KIF26A: variants seen among roughly 807,000 people sequenced by gnomAD.
The protein encoded by KIF26A is kinesin family member 26A.
Under a neutral mutation model 126.0 loss-of-function variants are expected in KIF26A, and 74 were observed. The ratio of observed to expected loss-of-function variants is 0.59; its 90% CI spans 0.49 to 0.71. KIF26A has a LOEUF of 0.71. KIF26A is among the 30% of genes least tolerant of loss of function. KIF26A has a pLI of 0.00. For synonymous variants in KIF26A, 1,445 were observed against 1,232.7 expected (o/e 1.17, Z -3.61); for missense variants, 2,984 against 2,763.3 (o/e 1.08, Z -1.79).
chr14:104,156,414 C>T (rs558110309), intron 3 of KIF26A, among the ~76,000 whole-genome samples: 2 of 151,764 alleles, frequency 1.3e-5, no homozygotes, highest in South Asian at 2.1e-4. Flanking sequence ...GTTCCAGGTC[C>T]CAGGTTCGCC....
In KIF26A at chr14:104,171,772, C is replaced by T. The variant is rs371918508; in HGVS notation, c.1163C>T (p.Ala388Val). The T allele has an allele frequency of 1.3e-5, 21 of 1,579,818 alleles. No individual in the cohort carries two copies. The highest frequency in any genetic ancestry group is 1.6e-5 in the Non-Finnish European group (19 of 1,164,024). ...CCCGCACAGGGGGCCCAGCGCTCGG[C>T]CGAGGCCATGTCCTTCCTGAAGGTG... ...IWPAQGAQRS[A>V]EAMSFLKVDP... Residue 388 changes from alanine to valine, a missense_variant, in exon 6 of 15, where the codon GCC becomes GTC. Physicochemically the swap from Ala to Val is moderately conservative, Grantham distance 64. Coordinates refer to ENST00000423312, the MANE Select transcript of KIF26A (RefSeq NM_015656.2).
Position 104,177,036 on chromosome 14 carries a change from G to T in KIF26A, c.4248G>T (p.Thr1416=). The stretch of plus-strand genomic sequence containing the variant: ...CTGACCACTCTGTCCCCAGGGCCAC[G>T]TCCAGCCTGAAGGCCCGGGCCAGCA... ...SRADHSVPRA[T]SSLKARASKV... Residue 1416 remains threonine (T), a synonymous_variant, in exon 12 of 15, where the codon ACG becomes ACT. Transcript: ENST00000423312. 3 of 1,577,196 alleles carry T rather than the reference G, an allele frequency of 1.9e-6. No homozygotes were observed. The highest frequency in any genetic ancestry group is 2.6e-6 in the Non-Finnish European group (3 of 1,170,130).
chr14:104,155,579 C>T (rs1011778868), intron 3 of KIF26A, among the ~76,000 whole-genome samples: 2 of 152,136 alleles, frequency 1.3e-5, no homozygotes, highest in African/African-American at 4.8e-5. Context: ...TCCCTCTCGC[C>T]GTCCTCCCCT....
chr14:104,174,895 G>GTGCTCTGGGT, intron 11 of KIF26A, 87 bp from the exon 12 acceptor site: 1 of 1,351,334 alleles, frequency 7.4e-7, no homozygotes, highest in Non-Finnish European at 9.8e-7. Context: ...AGTGACCGCA[G>GTGCTCTGGGT]CATTGGCCCT....
Position 104,177,096 on chromosome 14 carries a change from G to A in KIF26A, c.4308G>A (p.Ala1436=), listed in dbSNP as rs558868521. 1.9e-5 allele frequency: 31 copies of A among 1,597,178 alleles called. No individual in the cohort carries two copies. The highest frequency in any genetic ancestry group is 3.3e-5 in the Admixed American group (2 of 59,916). ...VEAAHRLAGH[A]SLERYEGLAH... ...CAGCACACCGTCTTGCCGGACACGC[G>A]TCTCTGGAGCGGTACGAAGGCCTGG... Residue 1436 remains alanine (A), a synonymous_variant, in exon 12 of 15, where the codon GCG becomes GCA. Transcript: ENST00000423312.
chr14:104,167,062 C>T lies in KIF26A; in HGVS notation c.1113+14C>T, dbSNP rs535972141. On this transcript the variant is annotated intron_variant, in intron 5 of 14. Coordinates refer to ENST00000423312, the MANE Select transcript of KIF26A (RefSeq NM_015656.2). ...AGCATCGGGAAGGTAGACGCAGCCCCGAGTTCGGGGCCCTGGGTGGGGAGG... is the reference window on the plus strand; with the variant it reads ...AGCATCGGGAAGGTAGACGCAGCCCTGAGTTCGGGGCCCTGGGTGGGGAGG... 5.3e-6 allele frequency: 8 copies of T among 1,515,798 alleles called. No individual in the cohort carries two copies. Among genetic ancestry groups the T allele is most frequent in the Middle Eastern group, 1.9e-4 (1 of 5,262 alleles). The allele number at this position is 1,515,798 out of a possible 1,614,324, so 93.9% of individuals were successfully genotyped here.
chr14:104,172,202 C>T (rs1170826472), intron 6 of KIF26A, among the ~76,000 whole-genome samples: 1 of 152,262 alleles, frequency 6.6e-6, no homozygotes, highest in African/African-American at 2.4e-5. Flanking sequence ...GGGAAGCTTT[C>T]CGAGCAGCTG....
intron 4 of KIF26A, among the ~76,000 whole-genome samples, chr14:104,158,781 C>T (rs1190183821): frequency 2.0e-5 from 3 of 152,172 alleles, no homozygotes; most frequent in Admixed American, 6.5e-5. Flanking sequence ...GGTGTGGGAG[C>T]CTCCACTGGG....
At chr14:104,165,051 CTG>C (rs1431273858) in intron 4 of KIF26A, among the ~76,000 whole-genome samples, 5 of 150,408 alleles carry the variant, frequency 3.3e-5, no homozygotes, top group African/African-American at 1.2e-4. Context: ...GTATGTGTGT[CTG>C]TGTGTCTCTG....
In KIF26A at chr14:104,145,130, G is replaced by T. The variant is rs551913361; in HGVS notation, c.288+5842G>T. ...TCTGGAGGCTGCCACCCCCACCACG[G>T]TGTGTCCTTGTCCTGCGGGGCCTCA... On this transcript the variant is annotated intron_variant, in intron 2 of 14. Coordinates refer to ENST00000423312, the MANE Select transcript of KIF26A (RefSeq NM_015656.2). Among the ~76,000 whole-genome samples, 20 of 152,372 alleles carry T rather than the reference G, an allele frequency of 1.3e-4. No individual in the cohort carries two copies. In the South Asian group the frequency reaches 3.9e-3, roughly 30 times the overall value.
chr14:104,176,042 C>G lies in KIF26A; in HGVS notation c.3254C>G (p.Ala1085Gly). 2 of 1,595,624 alleles carry G rather than the reference C, an allele frequency of 1.3e-6. No individual in the cohort carries two copies. Among genetic ancestry groups the G allele is most frequent in the Non-Finnish European group, 1.7e-6 (2 of 1,175,488 alleles). ...AGCAGCATCAATGATGAGTTTGACG[C>G]CTACACCTCTCAGGCCCCTGAGGGG... ...IISSINDEFD[A>G]YTSQAPEGGP... Residue 1085 changes from alanine to glycine, a missense_variant, in exon 12 of 15, where the codon GCC becomes GGC. Physicochemically the swap from Ala to Gly is moderately conservative, Grantham distance 60. Transcript: ENST00000423312.
rs749377747 is a variant in KIF26A, at chr14:104,178,735, C to T, written c.5296C>T (p.Pro1766Ser). The T allele has an allele frequency of 8.4e-6, 13 of 1,540,026 alleles. No individual in the cohort carries two copies. Among genetic ancestry groups the T allele is most frequent in the South Asian group, 1.2e-5 (1 of 83,608 alleles). Residue 1766 changes from proline to serine, a missense_variant, in exon 13 of 15, where the codon CCG becomes TCG. Transcript: ENST00000423312. ...GCGCCTTCAGCGGCCCCGCCCCACC[C>T]CGAGGGAGGCCCCCACCCAGGTAGG... ...VERLQRPRPT[P>S]REAPTQGLAC...
chr14:104,158,786 A>G (rs2037807040), intron 4 of KIF26A, among the ~76,000 whole-genome samples: 1 of 152,158 alleles, frequency 6.6e-6, no homozygotes, highest in Non-Finnish European at 1.5e-5. Context: ...GGGAGCCTCC[A>G]CTGGGCCCTT....
chr14:104,139,889 C>G (rs1335635880), intron 2 of KIF26A, among the ~76,000 whole-genome samples: 1 of 152,210 alleles, frequency 6.6e-6, no homozygotes, highest in Non-Finnish European at 1.5e-5. Context: ...GTTCCCCAGG[C>G]TCCAGCCCCA....
chr14:104,173,166 T>G lies in KIF26A; in HGVS notation c.1610T>G (p.Val537Gly). 3 of 1,611,386 alleles carry G rather than the reference T, an allele frequency of 1.9e-6. No individual in the cohort carries two copies. Among genetic ancestry groups the G allele is most frequent in the Non-Finnish European group, 2.5e-6 (3 of 1,179,386 alleles). The change falls in exon 8 of 15, where the codon GTG becomes GGG. Residue 537 changes from valine to glycine, a missense_variant. Coordinates refer to ENST00000423312, the MANE Select transcript of KIF26A (RefSeq NM_015656.2). ...DQSLRDLLAE[V>G]APGSLQDTQS... The stretch of plus-strand genomic sequence containing the variant: ...AGCCTGCGGGACCTGCTGGCCGAGG[T>G]GGCCCCTGGCAGCCTCCAGGACACC...
chr14:104,149,849 G>A (rs1212414002), intron 2 of KIF26A, among the ~76,000 whole-genome samples: 1 of 152,202 alleles, frequency 6.6e-6, no homozygotes, highest in Admixed American at 6.5e-5. Flanking sequence ...GCTCCAGAAC[G>A]GCGAGCTGGG....
At chr14:104,160,743 G>GAGGTACTT (rs1403710143) in intron 4 of KIF26A, among the ~76,000 whole-genome samples, 1 of 152,212 alleles carries the variant, frequency 6.6e-6, no homozygotes, top group Non-Finnish European at 1.5e-5. Flanking sequence ...GGGAGCCTCT[G>GAGGTACTT]CAGTGCCTCC....
Position 104,177,191 on chromosome 14 carries a change from C to T in KIF26A, c.4403C>T (p.Pro1468Leu), listed in dbSNP as rs377110995. The T allele has an allele frequency of 1.7e-5, 27 of 1,595,848 alleles. 1 individual carries two copies. The African/African-American group carries it at 3.5e-4, about 21-fold the overall frequency. Residue 1468 changes from proline to leucine, a missense_variant, in exon 12 of 15, where the codon CCA becomes CTA. Physicochemically the swap from Pro to Leu is moderately conservative, Grantham distance 98. Coordinates refer to ENST00000423312, the MANE Select transcript of KIF26A (RefSeq NM_015656.2). ...CGGGCTGTACCCAAGCTGGGTGTGCCACCCTCCAGCCCCACACACGGTCCA... is the reference window on the plus strand; with the variant it reads ...CGGGCTGTACCCAAGCTGGGTGTGCTACCCTCCAGCCCCACACACGGTCCA... ...PPRAVPKLGV[P>L]PSSPTHGPAP...
At chr14:104,157,188 G>C (rs1239200960) in intron 3 of KIF26A, among the ~76,000 whole-genome samples, 1 of 152,190 alleles carries the variant, frequency 6.6e-6, no homozygotes, top group Non-Finnish European at 1.5e-5. Context: ...GCTTCATTAT[G>C]AGGAGGCCTC....
Sources: allele counts gnomAD v4.1 joint callset (sites outside exome capture counted in the v4.1 genomes callset), GRCh38; gene constraint gnomAD v4.1.1; transcripts MANE v1.5; gene names NCBI Gene and HGNC (gene_info 2026-07-23, HGNC 2026-07-21).